Variants in DPYD observed in about 807,000 individuals in gnomAD.
DPYD encodes the protein dihydropyrimidine dehydrogenase [NADP(+)].
DPYD carries 109 observed loss-of-function variants against 116.2 expected under a neutral mutation model. The observed-to-expected ratio is 0.94, with a 90% CI of 0.80 to 1.10. The LOEUF is 1.10. Ranked by LOEUF, DPYD falls within the 50% of genes least tolerant of loss-of-function variation. The pLI is 0.00. For missense variants in DPYD, 1,302 were observed against 1,254.5 expected (o/e 1.04, Z -0.57); for synonymous variants, 440 against 432.0 (o/e 1.02, Z -0.23).
chr1:97,225,323 T>C (rs2100707915), intron 19 of DPYD, among the ~76,000 whole-genome samples: 1 of 152,212 alleles, frequency 6.6e-6, no homozygotes, highest in Middle Eastern at 3.4e-3. Flanking sequence ...CATTGTAGTT[T>C]TGATTTGCAT....
At chr1:97,410,816 C>T (rs945879) in intron 14 of DPYD, among the ~76,000 whole-genome samples, 29,158 of 152,004 alleles carry the variant, frequency 0.19, 2,947 homozygotes, top group South Asian at 0.33. Flanking sequence ...CACTTTTTAG[C>T]AAATTATGTT....
chr1:97,553,883 T>C (rs1173234491), intron 11 of DPYD, among the ~76,000 whole-genome samples: 1 of 152,086 alleles, frequency 6.6e-6, no homozygotes, highest in Non-Finnish European at 1.5e-5. Context: ...ATATGGTGCC[T>C]GGAATTTTAT....
At chr1:97,287,274 C>T (rs1279242993) in intron 18 of DPYD, among the ~76,000 whole-genome samples, 1 of 152,158 alleles carries the variant, frequency 6.6e-6, no homozygotes, top group East Asian at 1.9e-4. Context: ...GCTGTCTGAT[C>T]GTTCCTCTGG....
At chr1:97,836,924 C>T (rs1257398341) in intron 2 of DPYD, among the ~76,000 whole-genome samples, 2 of 151,734 alleles carry the variant, frequency 1.3e-5, no homozygotes, top group Non-Finnish European at 2.9e-5. Flanking sequence ...AATAAAAAAC[C>T]TAAAATAGTA....
At chr1:97,837,157 G>T (rs1669808556) in intron 2 of DPYD, among the ~76,000 whole-genome samples, 1 of 152,058 alleles carries the variant, frequency 6.6e-6, no homozygotes, top group Non-Finnish European at 1.5e-5. Flanking sequence ...ATTTGGCAGA[G>T]ACTTCTAAAT....
intron 2 of DPYD, among the ~76,000 whole-genome samples, chr1:97,877,318 C>T (rs1394339216): frequency 1.3e-5 from 2 of 151,906 alleles, no homozygotes; most frequent in Non-Finnish European, 2.9e-5. Flanking sequence ...CCCACACTTG[C>T]CACCAACCCT....
chr1:97,294,077 G>T (rs973676779), intron 18 of DPYD, among the ~76,000 whole-genome samples: 4 of 152,086 alleles, frequency 2.6e-5, no homozygotes, highest in Non-Finnish European at 4.4e-5. Flanking sequence ...GAGTCGATAT[G>T]AAGGAAACAA....
At chr1:97,175,469 G>C (rs1657177918) in intron 20 of DPYD, among the ~76,000 whole-genome samples, 1 of 152,150 alleles carries the variant, frequency 6.6e-6, no homozygotes, top group Admixed American at 6.6e-5. Flanking sequence ...ACATTTCCTT[G>C]ATCTCCTCCT....
chr1:97,290,380 C>G (rs1666056838), intron 18 of DPYD, among the ~76,000 whole-genome samples: 1 of 152,156 alleles, frequency 6.6e-6, no homozygotes, highest in African/African-American at 2.4e-5. Flanking sequence ...ATCGCCAAGT[C>G]AATCCTAAGC....
chr1:97,265,035 C>A (rs1261332552), intron 18 of DPYD, among the ~76,000 whole-genome samples: 1 of 152,048 alleles, frequency 6.6e-6, no homozygotes, highest in African/African-American at 2.4e-5. Context: ...CAAGACTGTC[C>A]CGTTCATCCG....
chr1:97,854,470 G>A (rs1447971468), intron 2 of DPYD, among the ~76,000 whole-genome samples: 1 of 152,152 alleles, frequency 6.6e-6, no homozygotes, highest in Non-Finnish European at 1.5e-5. Flanking sequence ...AAGCTCAGGT[G>A]CCCCAACACT....
chr1:97,266,086 G>C (rs1007377525), intron 18 of DPYD, among the ~76,000 whole-genome samples: 2 of 152,084 alleles, frequency 1.3e-5, no homozygotes, highest in African/African-American at 4.8e-5. Context: ...AGCTAATAGG[G>C]ACATCTAGAA....
At chr1:97,314,549 T>G (rs1667706049) in intron 16 of DPYD, among the ~76,000 whole-genome samples, 1 of 150,716 alleles carries the variant, frequency 6.6e-6, no homozygotes, top group African/African-American at 2.4e-5. Context: ...ACTCACTGTT[T>G]AGTTAATTCC....
At chr1:97,529,657 CTTT>C (rs977950720) in intron 12 of DPYD, among the ~76,000 whole-genome samples, 1 of 151,040 alleles carries the variant, frequency 6.6e-6, no homozygotes, top group Admixed American at 6.6e-5. Context: ...TTATCCCTTC[CTTT>C]TTTTCTTTTC....
chr1:97,383,012 C>A (rs1672065676), intron 14 of DPYD, among the ~76,000 whole-genome samples: 1 of 152,078 alleles, frequency 6.6e-6, no homozygotes, highest in Non-Finnish European at 1.5e-5. Flanking sequence ...TACATTATTA[C>A]AGAAATCCCA....
intron 1 of DPYD, among the ~76,000 whole-genome samples, chr1:97,910,480 G>A (rs900061370): frequency 5.9e-5 from 9 of 151,946 alleles, no homozygotes; most frequent in South Asian, 2.1e-4. Context: ...CTATTAAAAA[G>A]GATGAATCTG....
chr1:97,881,395 G>A (rs1023835317), intron 2 of DPYD, among the ~76,000 whole-genome samples: 4 of 151,940 alleles, frequency 2.6e-5, no homozygotes, highest in African/African-American at 9.7e-5. Flanking sequence ...AGTCTCTGTT[G>A]TTTAAGCCAC....
At chr1:97,461,759 A>G (rs1186049792) in intron 13 of DPYD, among the ~76,000 whole-genome samples, 1 of 152,232 alleles carries the variant, frequency 6.6e-6, no homozygotes, top group Non-Finnish European at 1.5e-5. Flanking sequence ...TATAATTACA[A>G]AACACCATTA....
intron 3 of DPYD, among the ~76,000 whole-genome samples, chr1:97,788,433 A>C (rs1418400224): frequency 2.0e-5 from 3 of 152,168 alleles, no homozygotes; most frequent in African/African-American, 7.2e-5. Flanking sequence ...ATCAGTACCA[A>C]CTGTCAACTA....
Sources: gnomAD v4.1 joint callset for allele counts (sites outside exome capture counted in the v4.1 genomes callset) on GRCh38, gnomAD v4.1.1 for gene constraint, MANE v1.5 for transcripts, NCBI Gene and HGNC (gene_info 2026-07-23, HGNC 2026-07-21) for gene names.